Variants in ECPAS observed in about 807,000 individuals in gnomAD.
ECPAS encodes proteasome adapter and scaffold protein ECM29.
Under a neutral mutation model 255.1 loss-of-function variants are expected in ECPAS, and 70 were observed. That is an observed-to-expected ratio of 0.27 (90% CI 0.23 to 0.33). The LOEUF (loss-of-function observed/expected upper bound fraction) is 0.33, where lower values mean the gene tolerates loss of function less well. Among genes scored for constraint, ECPAS ranks in the 10% least tolerant of loss-of-function variants. The probability of loss-of-function intolerance (pLI) is 1.00; values close to 1 mark genes in which losing one functional copy is unlikely to be tolerated. For synonymous variants in ECPAS, 784 were observed against 775.0 expected, an observed-to-expected ratio of 1.01 and a Z score of -0.19; for missense variants, 1,817 against 2,206.4, an observed-to-expected ratio of 0.82 and a Z score of 3.54.
intron 35 of ECPAS, among the ~76,000 whole-genome samples, chr9:111,379,886 C>T (rs543832042): frequency 5.9e-5 from 9 of 152,190 alleles, no homozygotes; most frequent in Non-Finnish European, 1.2e-4. Context: ...GCCCCACTTA[C>T]GATTTCCACC....
At chr9:111,407,364 T>C (rs2098185752) in intron 24 of ECPAS, among the ~76,000 whole-genome samples, 1 of 107,896 alleles carries the variant, frequency 9.3e-6, no homozygotes, top group Admixed American at 1.2e-4. Flanking sequence ...ATCACGCCAC[T>C]TTACTCCAGC....
At chr9:111,389,439 T>G in intron 31 of ECPAS, 117 bp downstream of exon 31, 1 of 899,534 alleles carries the variant, frequency 1.1e-6, no homozygotes, top group Non-Finnish European at 1.6e-6. Flanking sequence ...ACAATTTATT[T>G]GTTTAAACAA....
chr9:111,435,091 G>T (rs2098236040), intron 7 of ECPAS, among the ~76,000 whole-genome samples: 1 of 151,000 alleles, frequency 6.6e-6, no homozygotes, highest in South Asian at 2.1e-4. Context: ...TAGAGACGGG[G>T]TCTCACTCTG....
At chr9:111,481,505 C>T (rs924651645) in intron 1 of ECPAS, among the ~76,000 whole-genome samples, 3 of 148,532 alleles carry the variant, frequency 2.0e-5, no homozygotes, top group Non-Finnish European at 4.5e-5. Context: ...GACTTGGTCT[C>T]AAGAAAAAAA....
At chr9:111,389,805 A>G in intron 30 of ECPAS, 82 bp from the exon 31 acceptor site, 1 of 1,384,442 alleles carries the variant, frequency 7.2e-7, no homozygotes, top group Admixed American at 2.3e-5. Context: ...CTCCAAACTT[A>G]TGCCTAAATA....
intron 2 of ECPAS, among the ~76,000 whole-genome samples, chr9:111,457,378 C>T (rs926477900): frequency 1.3e-5 from 2 of 152,040 alleles, no homozygotes; most frequent in African/African-American, 4.8e-5. Context: ...GAGAAAGAAA[C>T]TGAAGAGGGA....
intron 24 of ECPAS, among the ~76,000 whole-genome samples, chr9:111,397,904 A>G (rs1175544174): frequency 1.3e-5 from 2 of 152,240 alleles, no homozygotes; most frequent in East Asian, 3.8e-4. Flanking sequence ...GTCAAACATT[A>G]GAAAATTCTA....
chr9:111,413,752 A>G, intron 20 of ECPAS, 143 bp downstream of exon 20: 2 of 458,484 alleles, frequency 4.4e-6, no homozygotes, highest in Non-Finnish European at 7.7e-6. Flanking sequence ...CATGCTTCCC[A>G]GTAAGTGTCT....
chr9:111,454,886 T>G (rs1021847088), intron 2 of ECPAS, among the ~76,000 whole-genome samples: 5 of 152,014 alleles, frequency 3.3e-5, no homozygotes, highest in Admixed American at 3.3e-4. Context: ...TTATTTTTTG[T>G]AGAGACAGAG....
intron 1 of ECPAS, among the ~76,000 whole-genome samples, chr9:111,473,840 G>A (rs2098292695): frequency 6.6e-6 from 1 of 152,068 alleles, no homozygotes. Context: ...GGTGGTACCC[G>A]CCTGCAGTCC....
chr9:111,449,551 G>A (rs1182151974), intron 3 of ECPAS, among the ~76,000 whole-genome samples: 4 of 151,716 alleles, frequency 2.6e-5, no homozygotes, highest in Middle Eastern at 3.2e-3. Flanking sequence ...ATACACAACT[G>A]AACATTTAAA....
chr9:111,383,172 A>G (rs779177141), intron 35 of ECPAS, 39 bp downstream of exon 35: 6 of 1,606,202 alleles, frequency 3.7e-6, no homozygotes, highest in Non-Finnish European at 5.1e-6. Context: ...CTAGGAACTG[A>G]GCAAATCCAA....
chr9:111,435,377 C>T (rs1589194948), intron 7 of ECPAS, among the ~76,000 whole-genome samples: 1 of 152,130 alleles, frequency 6.6e-6, no homozygotes, highest in South Asian at 2.1e-4. Context: ...GATTATGAAA[C>T]TGACAAAACA....
chr9:111,449,414 T>G (rs1029757009), intron 3 of ECPAS, among the ~76,000 whole-genome samples: 4 of 152,144 alleles, frequency 2.6e-5, no homozygotes, highest in Admixed American at 6.5e-5. Context: ...GTGAGAGAGA[T>G]ATGCTCATTT....
At chr9:111,432,344 T>C (rs2098231239) in intron 8 of ECPAS, among the ~76,000 whole-genome samples, 2 of 152,256 alleles carry the variant, frequency 1.3e-5, no homozygotes, top group Non-Finnish European at 1.5e-5. Flanking sequence ...CCAGGCGTGG[T>C]GGCTCACGCC....
chr9:111,408,688 A>T lies in ECPAS; in HGVS notation c.2551-16T>A, dbSNP rs149033920. On this transcript the variant is annotated splice_polypyrimidine_tract_variant and intron_variant, in intron 23 of 49. Coordinates refer to ENST00000684092, the MANE Select transcript of ECPAS (RefSeq NM_001364929.1). ...GTTCTTTCATCTGGAAGAACACCAA[A>T]TTTTTTTCTTTTAAACAGAGTATAT... 2.6e-6 allele frequency: 4 copies of T among 1,513,404 alleles called. No homozygotes were observed. The African/African-American group carries it at 4.2e-5, about 16-fold the overall frequency. The allele number at this position is 1,513,404 out of a possible 1,614,324, so 93.7% of individuals were successfully genotyped here.
intron 12 of ECPAS, among the ~76,000 whole-genome samples, chr9:111,424,909 C>T (rs1042754389): frequency 3.3e-5 from 5 of 152,186 alleles, no homozygotes; most frequent in South Asian, 2.1e-4. Flanking sequence ...GTGGCTCATG[C>T]CTGTAATCCC....
At chr9:111,478,659 G>A (rs561419065) in intron 1 of ECPAS, among the ~76,000 whole-genome samples, 26 of 152,262 alleles carry the variant, frequency 1.7e-4, no homozygotes, top group African/African-American at 5.5e-4. Context: ...TTGATATGAC[G>A]TAAATTACTT....
intron 8 of ECPAS, among the ~76,000 whole-genome samples, chr9:111,431,485 G>C (rs1289859823): frequency 6.6e-6 from 1 of 151,490 alleles, no homozygotes; most frequent in African/African-American, 2.4e-5. Flanking sequence ...TTGAATCCGA[G>C]AGGGGGAGAT....
Sources: allele counts gnomAD v4.1 joint callset (sites outside exome capture counted in the v4.1 genomes callset), GRCh38; gene constraint gnomAD v4.1.1; transcripts MANE v1.5; gene names NCBI Gene and HGNC (gene_info 2026-07-23, HGNC 2026-07-21).